SEMA3D: variants seen among roughly 807,000 people sequenced by gnomAD.
The protein encoded by SEMA3D is semaphorin 3D, also known as semaphorin-3D.
SEMA3D carries 84 observed loss-of-function variants against 100.1 expected under a neutral mutation model. The observed-to-expected ratio is 0.84, with a 90% CI of 0.70 to 1.01. SEMA3D has a LOEUF of 1.01. SEMA3D is among the 50% of genes least tolerant of loss of function. The probability of loss-of-function intolerance (pLI) is 0.00; values close to 1 mark genes in which losing one functional copy is unlikely to be tolerated. For missense variants in SEMA3D, 875 were observed against 934.1 expected (o/e 0.94, Z 0.82); for synonymous variants, 312 against 320.7 (o/e 0.97, Z 0.29).
chr7:85,203,103 A>G, the SEMA3D span, among the ~76,000 whole-genome samples: 28 of 152,158 alleles, frequency 1.8e-4, no homozygotes, highest in Non-Finnish European at 1.5e-4. Flanking sequence ...TTCTCCTCAT[A>G]TTGTCTCTCT....
chr7:85,245,044 G>A, the SEMA3D span, among the ~76,000 whole-genome samples: 1 of 152,106 alleles, frequency 6.6e-6, no homozygotes, highest in Non-Finnish European at 1.5e-5. Context: ...GAAACATGAA[G>A]TGACAAGTCC....
At chr7:85,116,271 A>C (rs2116384007) in intron 3 of SEMA3D, among the ~76,000 whole-genome samples, 1 of 147,064 alleles carries the variant, frequency 6.8e-6, no homozygotes, top group East Asian at 2.0e-4. Flanking sequence ...TTGCATATGT[A>C]TACAATTGTA....
intron 17 of SEMA3D, 46 bp downstream of exon 17, chr7:85,012,736 C>T: frequency 7.2e-7 from 1 of 1,396,916 alleles, no homozygotes. Context: ...AAAGAGTGGG[C>T]TTAGCATTTT....
Position 85,134,808 on chromosome 7 carries a change from T to C in SEMA3D, c.-40-12877A>G, listed in dbSNP as rs1789811330. Among the ~76,000 whole-genome samples the C allele has an allele frequency of 5.9e-5, 9 of 152,022 alleles. No homozygotes were observed. In the Admixed American group the frequency reaches 5.9e-4, roughly 10 times the overall value. On this transcript the variant is annotated intron_variant, in intron 2 of 18. Coordinates refer to ENST00000284136, the MANE Select transcript of SEMA3D (RefSeq NM_001384900.1). ...TTCAAATCTCTTTACAGTATCATTGTGTATAATATCATAAAAACTCAAAAA... is the reference window on the plus strand; with the variant it reads ...TTCAAATCTCTTTACAGTATCATTGCGTATAATATCATAAAAACTCAAAAA...
intron 3 of SEMA3D, among the ~76,000 whole-genome samples, chr7:85,109,179 T>G (rs1029563): frequency 0.23 from 34,372 of 151,650 alleles, 3,953 homozygotes; most frequent in African/African-American, 0.24. Context: ...CCATTTATTA[T>G]TTAATTTGAT....
chr7:85,142,481 T>C (rs1290410225), intron 2 of SEMA3D: 2 of 981,396 alleles, frequency 2.0e-6, no homozygotes, highest in African/African-American at 3.5e-5. Flanking sequence ...ATAAGGCATC[T>C]AGCTCACGGT....
At chr7:85,067,946 A>G (rs17159593) in intron 7 of SEMA3D, among the ~76,000 whole-genome samples, 9,295 of 152,234 alleles carry the variant, frequency 0.061, 950 homozygotes, top group African/African-American at 0.21. Flanking sequence ...GTTCTTTGAC[A>G]TTATAAATAT....
At chr7:85,155,564 C>A (rs534741060) in intron 1 of SEMA3D, among the ~76,000 whole-genome samples, 1 of 152,270 alleles carries the variant, frequency 6.6e-6, no homozygotes, top group Admixed American at 6.5e-5. Context: ...GTAGACAAAT[C>A]AGGGAACAGG....
At chr7:85,131,338 G>T (rs1438660258) in intron 2 of SEMA3D, among the ~76,000 whole-genome samples, 1 of 151,944 alleles carries the variant, frequency 6.6e-6, no homozygotes, top group Non-Finnish European at 1.5e-5. Flanking sequence ...GTTTAAACGG[G>T]GAGAATGAAA....
At chr7:85,123,370 AGACTTT>A (rs1562827035) in intron 2 of SEMA3D, among the ~76,000 whole-genome samples, 1 of 152,166 alleles carries the variant, frequency 6.6e-6, no homozygotes, top group Admixed American at 6.6e-5. Context: ...AAAAAGCATT[AGACTTT>A]AAGTAATTTT....
At chr7:85,047,152 T>C (rs1168288346) in intron 9 of SEMA3D, among the ~76,000 whole-genome samples, 1 of 151,612 alleles carries the variant, frequency 6.6e-6, no homozygotes, top group Non-Finnish European at 1.5e-5. Flanking sequence ...AAATGATTAA[T>C]TAAAAAAAGA....
chr7:85,091,471 A>G (rs1463246974), intron 4 of SEMA3D, among the ~76,000 whole-genome samples: 2 of 151,702 alleles, frequency 1.3e-5, no homozygotes, highest in Non-Finnish European at 2.9e-5. Flanking sequence ...AGAGTATTGC[A>G]TATTTTTTTT....
intron 5 of SEMA3D, among the ~76,000 whole-genome samples, chr7:85,080,407 C>A (rs988320915): frequency 1.3e-5 from 2 of 152,142 alleles, no homozygotes; most frequent in African/African-American, 4.8e-5. Flanking sequence ...TATTTTATTT[C>A]TATCACATTG....
intron 3 of SEMA3D, among the ~76,000 whole-genome samples, chr7:85,117,049 T>C (rs373302355): frequency 1.1e-4 from 16 of 152,314 alleles, no homozygotes; most frequent in East Asian, 9.7e-4. Flanking sequence ...GAGTAAGGCT[T>C]TCTCATGTTG....
intron 15 of SEMA3D, 54 bp downstream of exon 15, chr7:85,018,198 T>C: frequency 9.5e-7 from 1 of 1,050,102 alleles, no homozygotes; most frequent in East Asian, 2.4e-5. Flanking sequence ...TAAAGTTTGA[T>C]TCAAGCAGCC....
At chr7:85,150,359 A>ATATG (rs1405362655) in intron 2 of SEMA3D, among the ~76,000 whole-genome samples, 1 of 141,950 alleles carries the variant, frequency 7.0e-6, no homozygotes, top group African/African-American at 2.6e-5. Context: ...ATATATATAT[A>ATATG]TATATATATT....
At chr7:85,126,519 T>C (rs1789576072) in intron 2 of SEMA3D, among the ~76,000 whole-genome samples, 1 of 151,848 alleles carries the variant, frequency 6.6e-6, no homozygotes, top group Admixed American at 6.6e-5. Flanking sequence ...TAGTGGTACA[T>C]ATAAGGTCAC....
rs533348677 is a variant in SEMA3D at position 85,099,295 on chromosome 7, T to C, written c.152-1330A>G. ...TGGTTTCCCCATACTGTTCTCATGGTAGTGAATAAGTCTCATGAGAGCTGA... is the reference window on the plus strand; with the variant it reads ...TGGTTTCCCCATACTGTTCTCATGGCAGTGAATAAGTCTCATGAGAGCTGA... On this transcript the variant is annotated intron_variant, in intron 3 of 18. Transcript: ENST00000284136. 2.0e-5 allele frequency among the ~76,000 whole-genome samples: 3 copies of C among 152,012 alleles called. No individual in the cohort carries two copies. In the East Asian group the frequency reaches 5.9e-4, roughly 30 times the overall value.
At position 84,999,533 on chromosome 7, in the gene SEMA3D, GCCC is replaced by G; in HGVS notation, c.2238_2240del (p.Gly747del). ...TTTCCTGCATGTGCTTCCACTTTGG[GCCC>G]CCCTTGTTTCTCTGTCTCCGCTTCT... On this transcript the variant is annotated inframe_deletion, in exon 19 of 19. Coordinates refer to ENST00000284136, the MANE Select transcript of SEMA3D (RefSeq NM_001384900.1). The G allele has an allele frequency of 6.2e-7, 1 of 1,613,922 alleles. No individual in the cohort carries two copies.
Sources: allele counts gnomAD v4.1 joint callset (sites outside exome capture counted in the v4.1 genomes callset), GRCh38; gene constraint gnomAD v4.1.1; transcripts MANE v1.5; gene names NCBI Gene and HGNC (gene_info 2026-07-23, HGNC 2026-07-21).